OR2C3: variants seen among roughly 807,000 people sequenced by gnomAD.
OR2C3 encodes the protein olfactory receptor family 2 subfamily C member 3.
For missense variants in OR2C3, 425 were observed against 401.5 expected (o/e 1.06, Z -0.50); for synonymous variants, 178 against 163.4 (o/e 1.09, Z -0.68).
At position 247,531,457 on chromosome 1, in the gene OR2C3, TAGA is replaced by T. The variant is rs1486666475; in HGVS notation, c.*89_*91del. 7.7e-7 allele frequency: 1 copy of T among 1,304,000 alleles called. No homozygotes were observed. The highest frequency in any genetic ancestry group is 1.1e-6 in the Non-Finnish European group (1 of 938,474). 80.8% of individuals were successfully genotyped at this position (1,304,000 alleles called of 1,614,324 possible). A position where few individuals can be genotyped will look rare whatever the true frequency, so the allele number is the denominator to read the frequency against. ...CATCTACCTTGAGCTCAAACAATAT[TAGA>T]AGAAAAACGACATCCCAAGTGCCCT... On this transcript the variant is annotated 3_prime_UTR_variant, in exon 3 of 3. Transcript: ENST00000641802.
chr1:247,529,305 G>C lies in OR2C3; in HGVS notation c.*2244C>G, dbSNP rs1447880051. ...CCAGGAAACATATTTCACAGCAAAAGGGGTGTGGCAATAGAATTGCCCTTG... is the reference window on the plus strand; with the variant it reads ...CCAGGAAACATATTTCACAGCAAAACGGGTGTGGCAATAGAATTGCCCTTG... On this transcript the variant is annotated 3_prime_UTR_variant, in exon 3 of 3. Transcript: ENST00000641802. 1 of 152,210 alleles carries C rather than the reference G, an allele frequency of 6.6e-6. No individual in the cohort carries two copies. The highest frequency in any genetic ancestry group is 1.5e-5 in the Non-Finnish European group (1 of 68,040). The allele number at this position is 152,210 out of a possible 1,614,324, so 9.4% of individuals were successfully genotyped here.
Position 247,531,547 on chromosome 1 carries a change from C to T in OR2C3, c.*2G>A. 2 of 1,612,762 alleles carry T rather than the reference C, an allele frequency of 1.2e-6. No individual in the cohort carries two copies. The highest frequency in any genetic ancestry group is 1.7e-6 in the Non-Finnish European group (2 of 1,179,162). On this transcript the variant is annotated 3_prime_UTR_variant, in exon 3 of 3. Coordinates refer to ENST00000641802, the MANE Select transcript of OR2C3 (RefSeq NM_198074.6). The stretch of plus-strand genomic sequence containing the variant: ...CTTCCTTCTCAGAAGGCACTGGAGT[C>T]TCTAAATTTGCGCCAGCTTGCCTGC...
In OR2C3 at chr1:247,525,231, C is replaced by T. The variant is rs548794152; in HGVS notation, c.*6318G>A. 6.6e-6 allele frequency: 1 copy of T among 152,348 alleles called. No homozygotes were observed. The highest frequency in any genetic ancestry group is 1.9e-4 in the East Asian group (1 of 5,182). The allele number at this position is 152,348 out of a possible 1,614,324, so 9.4% of individuals were successfully genotyped here. A position where few individuals can be genotyped will look rare whatever the true frequency, so the allele number is the denominator to read the frequency against. ...TAAAGGTGATGGGGTTAAGCCCATA[C>T]ACCAAGCAAACAATCAATCCTATGG... On this transcript the variant is annotated 3_prime_UTR_variant, in exon 3 of 3. Coordinates refer to ENST00000641802, the MANE Select transcript of OR2C3 (RefSeq NM_198074.6).
At chr1:247,534,746 C>T (rs1489500926) in intron 1 of OR2C3, among the ~76,000 whole-genome samples, 1 of 152,192 alleles carries the variant, frequency 6.6e-6, no homozygotes, top group African/African-American at 2.4e-5. Flanking sequence ...ATTTACCTAT[C>T]CCTGTAACTG....
At position 247,526,984 on chromosome 1, in the gene OR2C3, C is replaced by A. The variant is rs1353535415; in HGVS notation, c.*4565G>T. 2 of 456,698 alleles carry A rather than the reference C, an allele frequency of 4.4e-6. No homozygotes were observed. The highest frequency in any genetic ancestry group is 4.4e-6 in the Non-Finnish European group (1 of 226,968). The allele number at this position is 456,698 out of a possible 1,614,324, so 28.3% of individuals were successfully genotyped here. ...GTTATGTTGGAGGATTCCAATAGTT[C>A]TACTGGATGTGGAGCCAGAAATTGT... is the stretch of plus-strand genomic sequence containing the variant. On this transcript the variant is annotated 3_prime_UTR_variant, in exon 3 of 3. Coordinates refer to ENST00000641802, the MANE Select transcript of OR2C3 (RefSeq NM_198074.6). The surrounding 1 kb of genome is among the most constrained non-coding windows in gnomAD (Gnocchi z 4.8).
Position 247,532,556 on chromosome 1 carries a change from A to G in OR2C3, c.-29-16T>C. On this transcript the variant is annotated splice_polypyrimidine_tract_variant and intron_variant, in intron 2 of 2. Coordinates refer to ENST00000641802, the MANE Select transcript of OR2C3 (RefSeq NM_198074.6). ...AAAAGGCCACCTGTGGGAAGAGCAC[A>G]GGGCATACAGGGCATGAGACATGAA... 2 of 1,563,330 alleles carry G rather than the reference A, an allele frequency of 1.3e-6. No individual in the cohort carries two copies. Among genetic ancestry groups the G allele is most frequent in the Non-Finnish European group, 1.7e-6 (2 of 1,150,170 alleles).
In OR2C3 at chr1:247,531,772, G is replaced by A. The variant is rs200221174; in HGVS notation, c.740C>T (p.Ala247Val). Reference sequence around the variant, plus strand: ...GCTCCCGTAAAACAGAGACACCACAGCCACGTGGGAAGAACAGGTGTTGAA... The same window carrying A: ...GCTCCCGTAAAACAGAGACACCACAACCACGTGGGAAGAACAGGTGTTGAA... Reference protein sequence around the residue: ...KAFNTCSSHVAVVSLFYGSII... With the variant: ...KAFNTCSSHVVVVSLFYGSII... Residue 247 changes from alanine to valine, a missense_variant, in exon 3 of 3, where the codon GCT becomes GTT. Coordinates refer to ENST00000641802, the MANE Select transcript of OR2C3 (RefSeq NM_198074.6). The A allele has an allele frequency of 2.5e-6, 4 of 1,614,202 alleles. No homozygotes were observed. In the East Asian group the frequency reaches 6.7e-5, roughly 27 times the overall value.
chr1:247,526,839 A>G lies in OR2C3; in HGVS notation c.*4710T>C, dbSNP rs1666701064. Reference sequence around the variant, plus strand: ...GGCATCGAAAGACAAGTGGTGTCCAATATGGCATGTTAGCATTTTCCTCTT... The same window carrying G: ...GGCATCGAAAGACAAGTGGTGTCCAGTATGGCATGTTAGCATTTTCCTCTT... On this transcript the variant is annotated 3_prime_UTR_variant, in exon 3 of 3. Coordinates refer to ENST00000641802, the MANE Select transcript of OR2C3 (RefSeq NM_198074.6). The surrounding 1 kb of genome is among the most constrained non-coding windows in gnomAD (Gnocchi z 4.8). 7.6e-6 allele frequency: 3 copies of G among 393,362 alleles called. No homozygotes were observed. Among genetic ancestry groups the G allele is most frequent in the Non-Finnish European group, 1.5e-5 (3 of 199,770 alleles). The allele number at this position is 393,362 out of a possible 1,614,324, so 24.4% of individuals were successfully genotyped here.
rs748255087 is a variant in OR2C3, at chr1:247,528,641, T to C, written c.*2908A>G. On this transcript the variant is annotated 3_prime_UTR_variant, in exon 3 of 3. Transcript: ENST00000641802. ...CTGAAAGATGGTGAGGAAGGGAAAC[T>C]TCCCAGTGGTCAAACTACAGGCAGT... The C allele has an allele frequency of 1.3e-5, 2 of 152,264 alleles. No individual in the cohort carries two copies. The highest frequency in any genetic ancestry group is 2.9e-5 in the Non-Finnish European group (2 of 68,040). The allele number at this position is 152,264 out of a possible 1,614,324, so 9.4% of individuals were successfully genotyped here.
rs1002281482 is a variant in OR2C3, at chr1:247,527,990, G to A, written c.*3559C>T. On this transcript the variant is annotated 3_prime_UTR_variant, in exon 3 of 3. Transcript: ENST00000641802. This position sits in a 1 kb window ranked among gnomAD's most constrained non-coding sequence, Gnocchi z 4.6. ...TTTCACAGATGAATGAGAACATGCA[G>A]TATTTAACTTTCTCAAAAATTTTAT... 1.3e-5 allele frequency: 2 copies of A among 152,000 alleles called. No individual in the cohort carries two copies. Among genetic ancestry groups the A allele is most frequent in the Non-Finnish European group, 2.9e-5 (2 of 68,008 alleles). 9.4% of individuals were successfully genotyped at this position (152,000 alleles called of 1,614,324 possible).
In OR2C3 at chr1:247,532,305, G is replaced by A; in HGVS notation, c.207C>T (p.Phe69=). ...TGCTCGTGGTGAAGCTCATGTCCAG[G>A]AAGGGGAGGTTGGCAAGAAAGAAGT... is the stretch of plus-strand genomic sequence containing the variant. ...PMYFFLANLP[F]LDMSFTTSIV... The change falls in exon 3 of 3, where the codon TTC becomes TTT. Residue 69 remains phenylalanine (F), a synonymous_variant. Transcript: ENST00000641802. The A allele has an allele frequency of 1.2e-6, 2 of 1,614,216 alleles. No homozygotes were observed. Among genetic ancestry groups the A allele is most frequent in the South Asian group, 1.1e-5 (1 of 91,084 alleles).
In OR2C3 at chr1:247,526,304, G is replaced by GTTTATATTTTTTA. The variant is rs1362379631; in HGVS notation, c.*5244_*5245insTAAAAAATATAAA. ...AAAGTTTATATTTTTTACTCTATCT[G>GTTTATATTTTTTA]GCTCATAATACCTGACCTAAAGTTC... On this transcript the variant is annotated 3_prime_UTR_variant, in exon 3 of 3. Coordinates refer to ENST00000641802, the MANE Select transcript of OR2C3 (RefSeq NM_198074.6). This position sits in a 1 kb window ranked among gnomAD's most constrained non-coding sequence, Gnocchi z 4.8. 1 of 152,160 alleles carries GTTTATATTTTTTA rather than the reference G, an allele frequency of 6.6e-6. No individual in the cohort carries two copies. The highest frequency in any genetic ancestry group is 1.5e-5 in the Non-Finnish European group (1 of 68,044). The allele number at this position is 152,160 out of a possible 1,614,324, so 9.4% of individuals were successfully genotyped here.
intron 2 of OR2C3, 77 bp from the exon 3 acceptor site, chr1:247,532,617 T>C (rs1667032371): frequency 2.8e-6 from 3 of 1,067,496 alleles, no homozygotes; most frequent in Non-Finnish European, 4.0e-6. Context: ...AAAAGTGTAT[T>C]TTAGTTCATT....
At position 247,527,973 on chromosome 1, in the gene OR2C3, A is replaced by G. The variant is rs989341112; in HGVS notation, c.*3576T>C. ...ATCAACCCTTTTTTAGCTTTCACAG[A>G]TGAATGAGAACATGCAGTATTTAAC... On this transcript the variant is annotated 3_prime_UTR_variant, in exon 3 of 3. Transcript: ENST00000641802. This position sits in a 1 kb window ranked among gnomAD's most constrained non-coding sequence, Gnocchi z 4.6. 6.6e-6 allele frequency: 1 copy of G among 152,142 alleles called. No homozygotes were observed. The highest frequency in any genetic ancestry group is 2.4e-5 in the African/African-American group (1 of 41,408). 9.4% of individuals were successfully genotyped at this position (152,142 alleles called of 1,614,324 possible).
Position 247,529,899 on chromosome 1 carries a change from C to G in OR2C3, c.*1650G>C, listed in dbSNP as rs1666847674. ...TTTGCCTCCAGACTTTGAACTCAAG[C>G]TGCAACATCAACCTCTGTCAAAATT... On this transcript the variant is annotated 3_prime_UTR_variant, in exon 3 of 3. Transcript: ENST00000641802. The G allele has an allele frequency of 6.6e-6, 1 of 152,156 alleles. No individual in the cohort carries two copies. The highest frequency in any genetic ancestry group is 6.5e-5 in the Admixed American group (1 of 15,276). The allele number at this position is 152,156 out of a possible 1,614,324, so 9.4% of individuals were successfully genotyped here. A position where few individuals can be genotyped will look rare whatever the true frequency, so the allele number is the denominator to read the frequency against.
At position 247,528,039 on chromosome 1, in the gene OR2C3, T is replaced by C. The variant is rs1404083236; in HGVS notation, c.*3510A>G. On this transcript the variant is annotated 3_prime_UTR_variant, in exon 3 of 3. Coordinates refer to ENST00000641802, the MANE Select transcript of OR2C3 (RefSeq NM_198074.6). Reference sequence around the variant, plus strand: ...ATCTAATACTTTAAAAGTTATGATTTCCCCCATTTGTTTCTGTTTCTTCGG... The same window carrying C: ...ATCTAATACTTTAAAAGTTATGATTCCCCCCATTTGTTTCTGTTTCTTCGG... The C allele has an allele frequency of 6.6e-6, 1 of 152,138 alleles. No individual in the cohort carries two copies. Among genetic ancestry groups the C allele is most frequent in the Non-Finnish European group, 1.5e-5 (1 of 68,028 alleles). 9.4% of individuals were successfully genotyped at this position (152,138 alleles called of 1,614,324 possible). A position where few individuals can be genotyped will look rare whatever the true frequency, so the allele number is the denominator to read the frequency against.
At chr1:247,532,878 G>GT (rs1667056175) in intron 2 of OR2C3, among the ~76,000 whole-genome samples, 1 of 151,976 alleles carries the variant, frequency 6.6e-6, no homozygotes, top group Admixed American at 6.6e-5. Flanking sequence ...ACTGGGTGGG[G>GT]GGTGTTCACT....
Position 247,526,238 on chromosome 1 carries a change from A to G in OR2C3, c.*5311T>C, listed in dbSNP as rs1343755844. ...TTCTGAATTCTTGCATTCCTTTCTTACCATGAGAAGCTTGCCATGTTGAGG... is the reference window on the plus strand; with the variant it reads ...TTCTGAATTCTTGCATTCCTTTCTTGCCATGAGAAGCTTGCCATGTTGAGG... On this transcript the variant is annotated 3_prime_UTR_variant, in exon 3 of 3. Coordinates refer to ENST00000641802, the MANE Select transcript of OR2C3 (RefSeq NM_198074.6). The surrounding 1 kb of genome is among the most constrained non-coding windows in gnomAD (Gnocchi z 4.8). The G allele has an allele frequency of 6.6e-6, 1 of 152,180 alleles. No homozygotes were observed. The highest frequency in any genetic ancestry group is 2.4e-5 in the African/African-American group (1 of 41,438). 9.4% of individuals were successfully genotyped at this position (152,180 alleles called of 1,614,324 possible).
At position 247,533,666 on chromosome 1, in the gene OR2C3, C is replaced by T. The variant is rs565071010; in HGVS notation, c.-189G>A. The T allele has an allele frequency of 6.6e-6, 1 of 152,288 alleles. No individual in the cohort carries two copies. The highest frequency in any genetic ancestry group is 2.4e-5 in the African/African-American group (1 of 41,550). 9.4% of individuals were successfully genotyped at this position (152,288 alleles called of 1,614,324 possible). ...AGTATTAGATCATGCCCTTCATGTTCAATCATATTTCTACATGGCTGTCCA... is the reference window on the plus strand; with the variant it reads ...AGTATTAGATCATGCCCTTCATGTTTAATCATATTTCTACATGGCTGTCCA... On this transcript the variant is annotated 5_prime_UTR_variant, in exon 2 of 3. Transcript: ENST00000641802.
Sources: allele counts gnomAD v4.1 joint callset (sites outside exome capture counted in the v4.1 genomes callset), GRCh38; gene constraint gnomAD v4.1.1; non-coding constraint Gnocchi (gnomAD v3.1); transcripts MANE v1.5; gene names NCBI Gene and HGNC (gene_info 2026-07-23, HGNC 2026-07-21).